Variants in ADCY10 observed in about 807,000 individuals in gnomAD.
ADCY10 encodes the protein adenylate cyclase type 10.
In ADCY10, 156 loss-of-function variants were observed where a neutral mutation model predicts 183.3. The ratio of observed to expected loss-of-function variants is 0.85; its 90% confidence interval spans 0.75 to 0.97. ADCY10 has a LOEUF of 0.97. Among genes scored for constraint, ADCY10 ranks in the 50% least tolerant of loss-of-function variants. ADCY10 has a pLI of 0.00. For missense variants in ADCY10, 1,745 were observed against 1,934.3 expected (o/e 0.90, Z 1.84); for synonymous variants, 645 against 670.0 (o/e 0.96, Z 0.58).
chr1:167,898,316 A>T (rs1669147219), intron 6 of ADCY10, among the ~76,000 whole-genome samples: 1 of 152,044 alleles, frequency 6.6e-6, no homozygotes, highest in Non-Finnish European at 1.5e-5. Flanking sequence ...ATGATTGAAG[A>T]GAGGCTGGGC....
At chr1:167,840,465 T>C (rs1260499443) in intron 21 of ADCY10, among the ~76,000 whole-genome samples, 3 of 151,760 alleles carry the variant, frequency 2.0e-5, no homozygotes, top group Non-Finnish European at 4.4e-5. Context: ...CAAGCGATTC[T>C]CCTGCCTCAG....
chr1:167,848,689 C>T (rs921663281), intron 18 of ADCY10, among the ~76,000 whole-genome samples, 200 bp from the exon 19 acceptor site: 3 of 151,734 alleles, frequency 2.0e-5, no homozygotes, highest in African/African-American at 4.8e-5. Context: ...CTCTCACTGT[C>T]GCCCAGGCTG....
chr1:167,869,489 G>A (rs1355271175), intron 14 of ADCY10, among the ~76,000 whole-genome samples: 2 of 152,198 alleles, frequency 1.3e-5, no homozygotes, highest in Non-Finnish European at 2.9e-5. Flanking sequence ...AAAGGACAGA[G>A]AAGCGAAACT....
Position 167,820,177 on chromosome 1 carries a change from C to T in ADCY10, c.4286+1847G>A. 4 of 1,538,682 alleles carry T rather than the reference C, an allele frequency of 2.6e-6. No individual in the cohort carries two copies. In the South Asian group the frequency reaches 3.6e-5, roughly 14 times the overall value. ...CCTGCCCCGCAGATTCCCCGAATGC[C>T]GCGGCGGCCGCAGCTCCCGAGGCTG... On this transcript the variant is annotated intron_variant, in intron 30 of 32. Coordinates refer to ENST00000367851, the MANE Select transcript of ADCY10 (RefSeq NM_018417.6).
intron 8 of ADCY10, among the ~76,000 whole-genome samples, chr1:167,886,793 C>T (rs1485256501): frequency 6.6e-6 from 1 of 152,128 alleles, no homozygotes; most frequent in Non-Finnish European, 1.5e-5. Flanking sequence ...ACAATCTACC[C>T]ATCTGACAAA....
Position 167,837,228 on chromosome 1 carries a change from A to G in ADCY10, c.3077+21T>C, listed in dbSNP as rs769666180. On this transcript the variant is annotated intron_variant, in intron 22 of 32. Coordinates refer to ENST00000367851, the MANE Select transcript of ADCY10 (RefSeq NM_018417.6). ...ACAATTATTTATGCTCTACTTCCTAAACAATGATATATGCCTCTACCTGCG... is the reference window on the plus strand; with the variant it reads ...ACAATTATTTATGCTCTACTTCCTAGACAATGATATATGCCTCTACCTGCG... 1.7e-5 allele frequency: 27 copies of G among 1,589,860 alleles called. No homozygotes were observed. The South Asian group carries it at 2.1e-4, about 12-fold the overall frequency.
At chr1:167,865,706 G>A (rs1226422175) in intron 14 of ADCY10, among the ~76,000 whole-genome samples, 2 of 152,152 alleles carry the variant, frequency 1.3e-5, no homozygotes, top group Non-Finnish European at 2.9e-5. Flanking sequence ...ACAAACTTTG[G>A]CAATTAAGAC....
At chr1:167,884,572 C>G (rs1230103830) in intron 8 of ADCY10, among the ~76,000 whole-genome samples, 1 of 152,016 alleles carries the variant, frequency 6.6e-6, no homozygotes, top group African/African-American at 2.4e-5. Context: ...CTAGGTCTTT[C>G]TCATTCTTTC....
intron 14 of ADCY10, among the ~76,000 whole-genome samples, chr1:167,868,855 A>G (rs932625336): frequency 1.3e-5 from 2 of 152,230 alleles, no homozygotes; most frequent in Admixed American, 1.3e-4. Context: ...TTACATGCTC[A>G]ACTGAATCAT....
At chr1:167,912,329 C>A (rs1002091744) in intron 1 of ADCY10, among the ~76,000 whole-genome samples, 12 of 152,182 alleles carry the variant, frequency 7.9e-5, no homozygotes, top group Non-Finnish European at 1.8e-4. Flanking sequence ...AAATGAAGGC[C>A]ATTAGAAACA....
At chr1:167,857,515 A>G (rs1263013187) in intron 16 of ADCY10, among the ~76,000 whole-genome samples, 1 of 152,250 alleles carries the variant, frequency 6.6e-6, no homozygotes, top group Non-Finnish European at 1.5e-5. Flanking sequence ...TGAATTATTC[A>G]TAAATTGAAG....
At chr1:167,809,975 G>A (rs1662102958) in intron 32 of ADCY10, 136 bp from the exon 33 acceptor site, 1 of 811,654 alleles carries the variant, frequency 1.2e-6, no homozygotes, top group Non-Finnish European at 2.1e-6. Flanking sequence ...GAATCTTGCT[G>A]TCCAAACTAG....
At chr1:167,900,300 C>A (rs1199410604) in intron 5 of ADCY10, among the ~76,000 whole-genome samples, 1 of 152,078 alleles carries the variant, frequency 6.6e-6, no homozygotes, top group African/African-American at 2.4e-5. Flanking sequence ...GGCTGACTCC[C>A]CCCTGATTCT....
chr1:167,839,911 A>G (rs2101935941), intron 21 of ADCY10, among the ~76,000 whole-genome samples: 1 of 152,216 alleles, frequency 6.6e-6, no homozygotes, highest in African/African-American at 2.4e-5. Flanking sequence ...CATTCTATGT[A>G]TTTTTTATGT....
Position 167,880,580 on chromosome 1 carries a change from G to A in ADCY10, c.1050C>T (p.Phe350=), listed in dbSNP as rs1488097535. Residue 350 remains phenylalanine (F), a synonymous_variant, in exon 10 of 33, where the codon TTC becomes TTT. Coordinates refer to ENST00000367851, the MANE Select transcript of ADCY10 (RefSeq NM_018417.6). The part of the protein sequence containing the change: ...KGCSFLCVFG[F]PGEKVPDELT... Reference sequence around the variant, plus strand: ...GCTCGTCAGGTACCTTTTCCCCAGGGAAGCCAAAGACACAGAGGAAAGAGC... The same window carrying A: ...GCTCGTCAGGTACCTTTTCCCCAGGAAAGCCAAAGACACAGAGGAAAGAGC... 5 of 1,614,052 alleles carry A rather than the reference G, an allele frequency of 3.1e-6. No individual in the cohort carries two copies. Among genetic ancestry groups the A allele is most frequent in the Non-Finnish European group, 4.2e-6 (5 of 1,179,962 alleles).
At chr1:167,869,654 G>A (rs931652839) in intron 14 of ADCY10, among the ~76,000 whole-genome samples, 3 of 152,016 alleles carry the variant, frequency 2.0e-5, no homozygotes, top group Non-Finnish European at 4.4e-5. Context: ...GAAATCTCTC[G>A]TTCTGTTCTG....
intron 14 of ADCY10, among the ~76,000 whole-genome samples, chr1:167,866,530 CAAAA>C (rs57450280): frequency 8.1e-5 from 9 of 110,772 alleles, no homozygotes; most frequent in Middle Eastern, 5.2e-3. Flanking sequence ...CTCTATGTGC[CAAAA>C]AAAAAAAAAA....
intron 25 of ADCY10, 126 bp downstream of exon 25, chr1:167,832,861 G>T (rs1050599204): frequency 2.0e-6 from 2 of 980,190 alleles, no homozygotes; most frequent in African/African-American, 3.2e-5. Context: ...CCCAGTGAAT[G>T]GTCAGAGCCA....
chr1:167,857,547 A>G (rs1426086552), intron 16 of ADCY10, among the ~76,000 whole-genome samples: 5 of 152,234 alleles, frequency 3.3e-5, no homozygotes, highest in Non-Finnish European at 7.3e-5. Context: ...GGAACAAAAA[A>G]TCATGAATTC....
Sources: gnomAD v4.1 joint callset for allele counts (sites outside exome capture counted in the v4.1 genomes callset) on GRCh38, gnomAD v4.1.1 for gene constraint, MANE v1.5 for transcripts, NCBI Gene and HGNC (gene_info 2026-07-23, HGNC 2026-07-21) for gene names.